The following CPQ variants were observed in gnomAD, a reference collection of about 807,000 sequenced individuals.
CPQ encodes carboxypeptidase Q.
CPQ carries 37 observed loss-of-function variants against 45.7 expected under a neutral mutation model. The observed-to-expected ratio is 0.81, with a 90% confidence interval of 0.62 to 1.07. CPQ has a LOEUF of 1.07. Ranked by LOEUF, CPQ falls within the 50% of genes least tolerant of loss-of-function variation. The pLI is 0.00. For missense variants in CPQ, 537 were observed against 572.9 expected (o/e 0.94, Z 0.64); for synonymous variants, 186 against 205.8 (o/e 0.90, Z 0.82).
At chr8:96,826,712 C>T (rs1232852972) in intron 2 of CPQ, among the ~76,000 whole-genome samples, 1 of 151,810 alleles carries the variant, frequency 6.6e-6, no homozygotes, top group Non-Finnish European at 1.5e-5. Flanking sequence ...TTGTTGCACC[C>T]ATCAGCCCAT....
At chr8:96,814,673 A>T (rs566038246) in intron 2 of CPQ, among the ~76,000 whole-genome samples, 1 of 152,292 alleles carries the variant, frequency 6.6e-6, no homozygotes, top group East Asian at 1.9e-4. Flanking sequence ...GTGTTGATAT[A>T]GAAATGAGTA....
intron 2 of CPQ, among the ~76,000 whole-genome samples, chr8:96,805,488 C>T (rs1402023220): frequency 1.3e-5 from 2 of 152,152 alleles, no homozygotes; most frequent in Non-Finnish European, 2.9e-5. Context: ...GTCTACTTCA[C>T]AGGTTTGGAG....
chr8:96,821,772 G>C (rs1811310966), intron 2 of CPQ, among the ~76,000 whole-genome samples: 1 of 151,668 alleles, frequency 6.6e-6, no homozygotes, highest in Admixed American at 6.6e-5. Flanking sequence ...GGGTTTTACA[G>C]TTTTAAAAAT....
At chr8:97,118,350 A>C (rs917557515) in intron 7 of CPQ, among the ~76,000 whole-genome samples, 6 of 152,140 alleles carry the variant, frequency 3.9e-5, no homozygotes. Flanking sequence ...CTGACCCCAG[A>C]GAAATCAATT....
chr8:96,728,628 G>T (rs564252948), intron 1 of CPQ, among the ~76,000 whole-genome samples: 1 of 152,200 alleles, frequency 6.6e-6, no homozygotes, highest in South Asian at 2.1e-4. Flanking sequence ...GGGTGGATAT[G>T]GTCAGTATCC....
chr8:96,990,319 T>G (rs111653628), intron 5 of CPQ, among the ~76,000 whole-genome samples: 1,622 of 152,332 alleles, frequency 0.011, 24 homozygotes, highest in African/African-American at 0.037. Flanking sequence ...TTTTTGTCTT[T>G]TCCACAGCAG....
At chr8:97,138,058 G>GT (rs1397025407) in intron 7 of CPQ, among the ~76,000 whole-genome samples, 3 of 152,110 alleles carry the variant, frequency 2.0e-5, no homozygotes, top group Non-Finnish European at 4.4e-5. Context: ...TCTCCTTCAT[G>GT]TTTTTTGGAG....
chr8:97,035,987 G>C (rs1352645413), intron 6 of CPQ, among the ~76,000 whole-genome samples: 1 of 152,166 alleles, frequency 6.6e-6, no homozygotes, highest in African/African-American at 2.4e-5. Flanking sequence ...GATTACAGGC[G>C]TGAGCCACCA....
At chr8:96,871,531 GTT>G (rs529360931) in intron 3 of CPQ, among the ~76,000 whole-genome samples, 37,473 of 106,534 alleles carry the variant, frequency 0.35, 6,186 homozygotes, top group Non-Finnish European at 0.41. Context: ...TTGCTTCCAG[GTT>G]TTTTTTTTTT....
At chr8:96,728,952 A>T (rs889318535) in intron 1 of CPQ, among the ~76,000 whole-genome samples, 1 of 152,196 alleles carries the variant, frequency 6.6e-6, no homozygotes, top group African/African-American at 2.4e-5. Context: ...ATCAAGAGGA[A>T]AAAAAACAAA....
rs1286469939 is a variant in CPQ at position 97,066,227 on chromosome 8, A to C, written c.1255+17A>C. Reference sequence around the variant, plus strand: ...GAGTGCCTGGTAAGACCAAAAGATGAAGTTGTGTTCCTTATATATTGCCAA... The same window carrying C: ...GAGTGCCTGGTAAGACCAAAAGATGCAGTTGTGTTCCTTATATATTGCCAA... On this transcript the variant is annotated intron_variant, in intron 7 of 7. Transcript: ENST00000220763. 6.2e-7 allele frequency: 1 copy of C among 1,604,184 alleles called. No individual in the cohort carries two copies. Among genetic ancestry groups the C allele is most frequent in the Non-Finnish European group, 8.5e-7 (1 of 1,176,458 alleles).
intron 5 of CPQ, among the ~76,000 whole-genome samples, chr8:97,001,995 G>A (rs2130425947): frequency 6.6e-6 from 1 of 152,000 alleles, no homozygotes; most frequent in East Asian, 1.9e-4. Context: ...TCAGTCTTGG[G>A]AGGGTGTATG....
At chr8:97,077,051 A>G (rs1056366475) in intron 7 of CPQ, among the ~76,000 whole-genome samples, 8 of 152,224 alleles carry the variant, frequency 5.3e-5, no homozygotes, top group Admixed American at 5.2e-4. Context: ...GAAGAGATAC[A>G]TTTATAGTAC....
intron 2 of CPQ, among the ~76,000 whole-genome samples, chr8:96,820,705 T>C (rs1811290216): frequency 6.6e-6 from 1 of 152,104 alleles, no homozygotes; most frequent in South Asian, 2.1e-4. Context: ...TCTTTCTTCA[T>C]TCATCTGTTG....
intron 4 of CPQ, among the ~76,000 whole-genome samples, chr8:96,912,500 G>T (rs561507004): frequency 1.1e-4 from 16 of 152,252 alleles, no homozygotes; most frequent in African/African-American, 3.9e-4. Context: ...GCTTATTAAA[G>T]AGCACATTAA....
chr8:97,029,776 CTGTATTCA>C (rs1469412228), intron 6 of CPQ, among the ~76,000 whole-genome samples: 4 of 152,158 alleles, frequency 2.6e-5, no homozygotes, highest in African/African-American at 9.7e-5. Context: ...CCTAGTTCTG[CTGTATTCA>C]TGTATGTCAG....
chr8:97,126,922 G>A (rs551895314), intron 7 of CPQ, among the ~76,000 whole-genome samples: 14 of 152,168 alleles, frequency 9.2e-5, no homozygotes, highest in Non-Finnish European at 1.3e-4. Flanking sequence ...AACGGGAAAA[G>A]GATAGTCTTT....
intron 5 of CPQ, among the ~76,000 whole-genome samples, chr8:96,970,565 CTTT>C (rs34088987): frequency 3.5e-5 from 5 of 142,264 alleles, no homozygotes; most frequent in South Asian, 2.2e-4. Flanking sequence ...GCCCAACACT[CTTT>C]TTTTTTTTTT....
At chr8:97,046,943 C>T (rs2513395) in intron 6 of CPQ, among the ~76,000 whole-genome samples, 33 of 151,934 alleles carry the variant, frequency 2.2e-4, no homozygotes, top group African/African-American at 7.7e-4. Flanking sequence ...ATTTTTTCCA[C>T]GTAAGGAAAA....
Sources: gnomAD v4.1 joint callset for allele counts (sites outside exome capture counted in the v4.1 genomes callset) on GRCh38, gnomAD v4.1.1 for gene constraint, MANE v1.5 for transcripts, NCBI Gene and HGNC (gene_info 2026-07-23, HGNC 2026-07-21) for gene names.